GRID2: variants seen among roughly 807,000 people sequenced by gnomAD.
The protein encoded by GRID2 is glutamate ionotropic receptor delta type subunit 2.
In GRID2, 33 loss-of-function variants were observed where a neutral mutation model predicts 114.8. The observed-to-expected ratio is 0.29, with a 90% CI of 0.22 to 0.38. The LOEUF is 0.38. Ranked by LOEUF, GRID2 falls within the 10% of genes least tolerant of loss-of-function variation. The pLI is 1.00. For synonymous variants in GRID2, 505 were observed against 449.9 expected (o/e 1.12, Z -1.55); for missense variants, 1,184 against 1,257.7 (o/e 0.94, Z 0.89).
intron 9 of GRID2, among the ~76,000 whole-genome samples, chr4:93,420,151 G>A (rs1413544651): frequency 6.6e-6 from 1 of 152,042 alleles, no homozygotes; most frequent in African/African-American, 2.4e-5. Context: ...CAATTAATTT[G>A]CTGATTGATA....
intron 1 of GRID2, among the ~76,000 whole-genome samples, chr4:92,551,924 G>A (rs1168425983): frequency 2.6e-5 from 4 of 151,830 alleles, no homozygotes; most frequent in East Asian, 1.9e-4. Context: ...AAGGAATAGA[G>A]AAAAAAAGAG....
At chr4:93,809,856 G>A (rs1005106716) in exon 2 of GRID2, 1 of 152,088 alleles carries the variant, frequency 6.6e-6, no homozygotes, top group African/African-American at 2.4e-5. Context: ...GTCTTATATT[G>A]TAGTTTACAA....
chr4:92,714,626 G>T (rs1188287428), intron 2 of GRID2, among the ~76,000 whole-genome samples: 1 of 152,140 alleles, frequency 6.6e-6, no homozygotes, highest in Non-Finnish European at 1.5e-5. Context: ...CTAGGCAAAG[G>T]TTCCCAAACC....
chr4:92,349,897 T>C lies in GRID2; in HGVS notation c.88+45153T>C, dbSNP rs1414626944. On this transcript the variant is annotated intron_variant, in intron 1 of 15. Coordinates refer to ENST00000282020, the MANE Select transcript of GRID2 (RefSeq NM_001510.4). The stretch of plus-strand genomic sequence containing the variant: ...CCACATCAAGGTAAATAAATGGAAT[T>C]TTACCAGTAACCCTTAAGTTCTTCC... Among the ~76,000 whole-genome samples the C allele has an allele frequency of 2.6e-5, 4 of 151,946 alleles. No homozygotes were observed. The East Asian group carries it at 5.8e-4, about 22-fold the overall frequency.
chr4:92,380,822 T>C (rs11097336), intron 1 of GRID2, among the ~76,000 whole-genome samples: 3,332 of 152,116 alleles, frequency 0.022, 130 homozygotes, highest in African/African-American at 0.077. Context: ...CTAATTAAAT[T>C]ATATAACCAA....
chr4:93,042,914 G>T (rs1330195950), intron 2 of GRID2, among the ~76,000 whole-genome samples: 1 of 151,468 alleles, frequency 6.6e-6, no homozygotes, highest in African/African-American at 2.4e-5. Flanking sequence ...GACCAGTATT[G>T]CTTACTATTG....
In GRID2 at chr4:92,647,809, A is replaced by G. The variant is rs201678275; in HGVS notation, c.244+57523A>G. Among the ~76,000 whole-genome samples the G allele has an allele frequency of 8.0e-5, 12 of 149,904 alleles. No homozygotes were observed. In the East Asian group the frequency reaches 2.1e-3, roughly 27 times the overall value. ...ATTATACTTAACAAATTTAACATGTATGTCTGAACCCAGTTTCACTCTGGA... is the reference window on the plus strand; with the variant it reads ...ATTATACTTAACAAATTTAACATGTGTGTCTGAACCCAGTTTCACTCTGGA... On this transcript the variant is annotated intron_variant, in intron 2 of 15. Coordinates refer to ENST00000282020, the MANE Select transcript of GRID2 (RefSeq NM_001510.4).
chr4:92,875,600 G>T (rs1232293102), intron 2 of GRID2, among the ~76,000 whole-genome samples: 1 of 152,012 alleles, frequency 6.6e-6, no homozygotes, highest in Non-Finnish European at 1.5e-5. Flanking sequence ...AATTCTTTTA[G>T]AATATTATTT....
intron 1 of GRID2, among the ~76,000 whole-genome samples, chr4:92,565,176 T>C (rs1285236636): frequency 6.6e-6 from 1 of 152,054 alleles, no homozygotes; most frequent in Non-Finnish European, 1.5e-5. Context: ...ATTACTTTCA[T>C]ATGAGAATTT....
chr4:92,399,876 C>T (rs7666831), intron 1 of GRID2, among the ~76,000 whole-genome samples: 3,324 of 151,980 alleles, frequency 0.022, 128 homozygotes, highest in African/African-American at 0.077. Context: ...AGTTACTTTA[C>T]GTATTGCATG....
intron 14 of GRID2, among the ~76,000 whole-genome samples, chr4:93,703,761 T>C (rs1727736956): frequency 6.6e-6 from 1 of 151,218 alleles, no homozygotes; most frequent in South Asian, 2.1e-4. Flanking sequence ...TTTTTTGTCC[T>C]TGAGATAGTT....
intron 2 of GRID2, among the ~76,000 whole-genome samples, chr4:92,722,457 G>A (rs1333809818): frequency 6.6e-6 from 1 of 152,082 alleles, no homozygotes; most frequent in Non-Finnish European, 1.5e-5. Flanking sequence ...AAAGGGGAAC[G>A]GGTGGGGTGG....
intron 13 of GRID2, among the ~76,000 whole-genome samples, chr4:93,542,523 G>T (rs1245060267): frequency 1.3e-5 from 2 of 152,118 alleles, no homozygotes; most frequent in African/African-American, 2.4e-5. Flanking sequence ...CATTGTTTCT[G>T]CCTTTTTTCA....
intron 3 of GRID2, among the ~76,000 whole-genome samples, chr4:93,090,744 G>T (rs1376151121): frequency 1.3e-5 from 2 of 152,090 alleles, no homozygotes; most frequent in African/African-American, 4.8e-5. Flanking sequence ...CAGAAGGGTG[G>T]TAATCTTCAT....
chr4:93,437,389 A>G (rs189469564), intron 10 of GRID2, among the ~76,000 whole-genome samples: 471 of 46,922 alleles, frequency 0.01, 4 homozygotes, highest in African/African-American at 0.046. Flanking sequence ...TCCAGAGAAA[A>G]ACAGTTTTGT....
intron 4 of GRID2, among the ~76,000 whole-genome samples, chr4:93,171,583 C>T (rs1260510377): frequency 6.6e-6 from 1 of 152,140 alleles, no homozygotes; most frequent in Non-Finnish European, 1.5e-5. Flanking sequence ...TGTCCTAAAC[C>T]AGGCTTCCAA....
At chr4:92,680,690 G>A (rs1302109490) in intron 2 of GRID2, among the ~76,000 whole-genome samples, 2 of 152,146 alleles carry the variant, frequency 1.3e-5, no homozygotes, top group Non-Finnish European at 2.9e-5. Context: ...TGTAGTCATG[G>A]AAGAATACAT....
At chr4:93,078,717 CT>C (rs1373090916) in intron 2 of GRID2, among the ~76,000 whole-genome samples, 9 of 119,620 alleles carry the variant, frequency 7.5e-5, no homozygotes, top group Admixed American at 1.9e-4. Context: ...ACTGTATATA[CT>C]AAATATAATT....
chr4:92,397,386 T>TC (rs1730550041), intron 1 of GRID2, among the ~76,000 whole-genome samples: 2 of 129,646 alleles, frequency 1.5e-5, no homozygotes, highest in Admixed American at 1.5e-4. Flanking sequence ...GTGTGTGTGT[T>TC]TCTCCATTCA....
Sources: allele counts gnomAD v4.1 joint callset (sites outside exome capture counted in the v4.1 genomes callset), GRCh38; gene constraint gnomAD v4.1.1; transcripts MANE v1.5; gene names NCBI Gene and HGNC (gene_info 2026-07-23, HGNC 2026-07-21).